The following UVRAG variants were observed in gnomAD, a reference collection of about 807,000 sequenced individuals.
UVRAG encodes UV radiation resistance-associated gene protein.
In UVRAG, 19 loss-of-function variants were observed where a neutral mutation model predicts 78.0. The ratio of observed to expected loss-of-function variants is 0.24; its 90% CI spans 0.17 to 0.36. The LOEUF (loss-of-function observed/expected upper bound fraction) is 0.36. Among genes scored for constraint, UVRAG ranks in the 10% least tolerant of loss-of-function variants. The pLI, the probability that UVRAG is intolerant of heterozygous loss-of-function variation, is 1.00. For missense variants in UVRAG, 740 were observed against 853.8 expected, an observed-to-expected ratio of 0.87 and a Z score of 1.66; for synonymous variants, 323 against 324.6, an observed-to-expected ratio of 1.00 and a Z score of 0.05.
intron 12 of UVRAG, among the ~76,000 whole-genome samples, chr11:76,057,949 G>A (rs1181910117): frequency 6.6e-6 from 1 of 152,078 alleles, no homozygotes; most frequent in Admixed American, 6.5e-5. Context: ...TGGAGGACTT[G>A]AATGAGGCTC....
Position 75,905,050 on chromosome 11 carries a change from G to A in UVRAG, c.508-6904G>A, listed in dbSNP as rs189216444. ...AAAGTGTGGCTTTTAGTTGTATGTC[G>A]GTGGGTGTGGATAAATTTTTTATAG... On this transcript the variant is annotated intron_variant, in intron 5 of 14. Transcript: ENST00000356136. Among the ~76,000 whole-genome samples, 56 of 152,122 alleles carry A rather than the reference G, an allele frequency of 3.7e-4. 1 individual carries two copies. The highest frequency in any genetic ancestry group is 4.1e-4 in the Non-Finnish European group (28 of 67,956).
At chr11:75,902,850 A>T (rs1030134627) in intron 5 of UVRAG, among the ~76,000 whole-genome samples, 9 of 151,418 alleles carry the variant, frequency 5.9e-5, no homozygotes, top group African/African-American at 2.2e-4. Flanking sequence ...GGACCTATAG[A>T]CTCTAGTCTC....
At chr11:75,977,131 G>A (rs566291604) in intron 7 of UVRAG, among the ~76,000 whole-genome samples, 3 of 152,262 alleles carry the variant, frequency 2.0e-5, no homozygotes, top group Middle Eastern at 6.8e-3. Context: ...TATGTACCCA[G>A]TAGTCATTCA....
intron 6 of UVRAG, among the ~76,000 whole-genome samples, chr11:75,920,339 A>G (rs1947953541): frequency 6.6e-6 from 1 of 152,022 alleles, no homozygotes; most frequent in Non-Finnish European, 1.5e-5. Flanking sequence ...TTGGTATTTA[A>G]TGTGAGTTTT....
At chr11:75,963,439 A>G (rs1948948543) in intron 7 of UVRAG, among the ~76,000 whole-genome samples, 1 of 152,278 alleles carries the variant, frequency 6.6e-6, no homozygotes, top group Non-Finnish European at 1.5e-5. Context: ...AATGCCATCT[A>G]CATGTTAATT....
chr11:75,901,195 A>G (rs1947488821), intron 5 of UVRAG, among the ~76,000 whole-genome samples: 1 of 152,168 alleles, frequency 6.6e-6, no homozygotes, highest in African/African-American at 2.4e-5. Context: ...GTAGTCATAC[A>G]AACAAACACT....
At chr11:75,834,740 G>A (rs1443681333) in intron 1 of UVRAG, among the ~76,000 whole-genome samples, 1 of 152,098 alleles carries the variant, frequency 6.6e-6, no homozygotes, top group African/African-American at 2.4e-5. Context: ...CTTGAACCTG[G>A]GAGGTGGAGG....
intron 4 of UVRAG, among the ~76,000 whole-genome samples, chr11:75,883,191 C>T (rs1223563898): frequency 6.6e-6 from 1 of 151,924 alleles, no homozygotes; most frequent in Non-Finnish European, 1.5e-5. Flanking sequence ...GGCTCTAGGC[C>T]TGAAGGGCTT....
intron 5 of UVRAG, among the ~76,000 whole-genome samples, chr11:75,900,600 G>A (rs7927868): frequency 0.11 from 16,668 of 152,106 alleles, 1,790 homozygotes; most frequent in African/African-American, 0.28. Context: ...CTAGGATCAC[G>A]TTGTTCCCAT....
intron 3 of UVRAG, among the ~76,000 whole-genome samples, chr11:75,874,193 A>G (rs1946712849): frequency 6.6e-6 from 1 of 152,164 alleles, no homozygotes; most frequent in Non-Finnish European, 1.5e-5. Flanking sequence ...TGTGAGATAT[A>G]AAATAAGGAA....
At chr11:75,958,613 A>G (rs1420033202) in intron 6 of UVRAG, among the ~76,000 whole-genome samples, 2 of 152,120 alleles carry the variant, frequency 1.3e-5, no homozygotes, top group Non-Finnish European at 1.5e-5. Context: ...CGAACCCCTC[A>G]AAGTCATCCA....
intron 7 of UVRAG, among the ~76,000 whole-genome samples, chr11:75,974,921 C>T (rs1027737757): frequency 1.3e-4 from 20 of 152,126 alleles, no homozygotes; most frequent in Non-Finnish European, 2.4e-4. Context: ...GTTGCTGTTG[C>T]TTTTGGTGTT....
intron 11 of UVRAG, 100 bp from the exon 12 acceptor site, chr11:76,016,715 C>T: frequency 1.8e-5 from 19 of 1,060,158 alleles, no homozygotes; most frequent in Admixed American, 6.5e-5. Context: ...TTTTATGTAC[C>T]ACATATTTTT....
intron 12 of UVRAG, among the ~76,000 whole-genome samples, chr11:76,060,835 C>G (rs1485764601): frequency 6.6e-6 from 1 of 152,254 alleles, no homozygotes; most frequent in Non-Finnish European, 1.5e-5. Context: ...CCCGCCATGC[C>G]TGAGCCTCCC....
intron 13 of UVRAG, among the ~76,000 whole-genome samples, chr11:76,113,999 C>T (rs1024124553): frequency 1.3e-5 from 2 of 151,940 alleles, no homozygotes; most frequent in Admixed American, 6.6e-5. Context: ...ACCCATCTTC[C>T]GTTGTGGAAC....
At chr11:75,984,957 CT>C (rs1271850116) in intron 8 of UVRAG, among the ~76,000 whole-genome samples, 1 of 152,034 alleles carries the variant, frequency 6.6e-6, no homozygotes, top group Non-Finnish European at 1.5e-5. Flanking sequence ...GAGTGAAGAA[CT>C]TTCATACGTT....
At chr11:76,006,456 T>G (rs893414233) in intron 9 of UVRAG, among the ~76,000 whole-genome samples, 26 of 152,074 alleles carry the variant, frequency 1.7e-4, no homozygotes, top group African/African-American at 6.3e-4. Context: ...GCCTATGAGT[T>G]TGAGACCAGC....
rs1361875224 is a variant in UVRAG, at chr11:76,142,953, C to T, written c.*1540C>T. 6.6e-6 allele frequency: 1 copy of T among 152,222 alleles called. No individual in the cohort carries two copies. Among genetic ancestry groups the T allele is most frequent in the Non-Finnish European group, 1.5e-5 (1 of 68,044 alleles). 9.4% of individuals were successfully genotyped at this position (152,222 alleles called of 1,614,324 possible). A position where few individuals can be genotyped will look rare whatever the true frequency, so the allele number is the denominator to read the frequency against. On this transcript the variant is annotated 3_prime_UTR_variant, in exon 15 of 15. Transcript: ENST00000356136. ...ACATTGTTGTTTTCCATGTAGAGAA[C>T]TCACAGGATGACTACATCACAAATA... is the stretch of plus-strand genomic sequence containing the variant.
chr11:75,839,827 A>ATG (rs1565339686), intron 1 of UVRAG, among the ~76,000 whole-genome samples: 1 of 149,396 alleles, frequency 6.7e-6, no homozygotes, highest in East Asian at 1.9e-4. Context: ...GTGTGTGTGT[A>ATG]TATATATATA....
Sources: gnomAD v4.1 joint callset for allele counts (sites outside exome capture counted in the v4.1 genomes callset) on GRCh38, gnomAD v4.1.1 for gene constraint, MANE v1.5 for transcripts, NCBI Gene and HGNC (gene_info 2026-07-23, HGNC 2026-07-21) for gene names.